The following AFF3 variants were observed in gnomAD, a reference collection of about 807,000 sequenced individuals.
The protein encoded by AFF3 is AF4/FMR2 family member 3.
In AFF3, 32 loss-of-function variants were observed where a neutral mutation model predicts 129.7. That is an observed-to-expected ratio of 0.25 (90% CI 0.19 to 0.33). The LOEUF (loss-of-function observed/expected upper bound fraction) is 0.33, where lower values mean the gene tolerates loss of function less well. AFF3 is among the 10% of genes least tolerant of loss of function. The pLI is 1.00. For missense variants in AFF3, 1,373 were observed against 1,592.0 expected (o/e 0.86, Z 2.34); for synonymous variants, 644 against 635.4 (o/e 1.01, Z -0.20).
At chr2:99,683,224 A>T (rs1223388152) in intron 11 of AFF3, among the ~76,000 whole-genome samples, 1 of 152,194 alleles carries the variant, frequency 6.6e-6, no homozygotes, top group African/African-American at 2.4e-5. Context: ...TTGTGTCCTT[A>T]TGCAAAGAAC....
intron 14 of AFF3, among the ~76,000 whole-genome samples, chr2:99,597,453 AG>A (rs1679402091): frequency 6.6e-6 from 1 of 152,252 alleles, no homozygotes; most frequent in Admixed American, 6.5e-5. Flanking sequence ...GGCAAGGGCC[AG>A]GTCTCTGTTT....
chr2:100,064,661 T>C (rs1687576401), intron 4 of AFF3, among the ~76,000 whole-genome samples: 1 of 152,190 alleles, frequency 6.6e-6, no homozygotes, highest in Admixed American at 6.5e-5. Context: ...TCTCTCACCA[T>C]TTGCTTTCCC....
chr2:99,971,303 A>G (rs1678353896), intron 7 of AFF3, among the ~76,000 whole-genome samples: 2 of 151,868 alleles, frequency 1.3e-5, no homozygotes. Flanking sequence ...CACATTTCCA[A>G]TTTTCCCTCT....
At chr2:100,136,333 G>T (rs1262617774) in intron 1 of AFF3, among the ~76,000 whole-genome samples, 1 of 152,160 alleles carries the variant, frequency 6.6e-6, no homozygotes, top group Non-Finnish European at 1.5e-5. Context: ...AGGTGGAGAA[G>T]GCACCCAAAA....
At chr2:100,094,438 T>C (rs540052210) in intron 4 of AFF3, among the ~76,000 whole-genome samples, 10 of 152,270 alleles carry the variant, frequency 6.6e-5, no homozygotes, top group East Asian at 3.9e-4. Flanking sequence ...ATAGGGTTCA[T>C]GCTTCTGTGA....
intron 4 of AFF3, among the ~76,000 whole-genome samples, chr2:100,099,460 T>C (rs1056561943): frequency 1.3e-5 from 2 of 152,144 alleles, no homozygotes; most frequent in African/African-American, 4.8e-5. Context: ...CATCCCTCCC[T>C]GCCTGTGTTA....
chr2:99,846,437 T>C (rs1290374493), intron 7 of AFF3, among the ~76,000 whole-genome samples: 3 of 152,252 alleles, frequency 2.0e-5, no homozygotes, highest in Admixed American at 1.3e-4. Context: ...GCCGAACATT[T>C]TCCTGAATCT....
At chr2:99,719,575 T>C (rs1364738854) in intron 11 of AFF3, among the ~76,000 whole-genome samples, 1 of 152,180 alleles carries the variant, frequency 6.6e-6, no homozygotes, top group Non-Finnish European at 1.5e-5. Context: ...TATCTTAAAG[T>C]TTTCATAGAA....
intron 12 of AFF3, among the ~76,000 whole-genome samples, chr2:99,667,128 T>C (rs945685893): frequency 3.9e-5 from 6 of 152,126 alleles, no homozygotes; most frequent in Non-Finnish European, 8.8e-5. Context: ...ATACAAACCA[T>C]ATCTTGGGTC....
chr2:99,618,976 GC>G (rs1242488384), intron 13 of AFF3, among the ~76,000 whole-genome samples: 1 of 152,046 alleles, frequency 6.6e-6, no homozygotes, highest in African/African-American at 2.4e-5. Context: ...AGAACTCCTG[GC>G]CTCAAACAGT....
chr2:99,630,927 A>G lies in AFF3; in HGVS notation c.1184+18699T>C, dbSNP rs1683063959. 6 of 383,540 alleles carry G rather than the reference A, an allele frequency of 1.6e-5. No individual in the cohort carries two copies. In the Admixed American group the frequency reaches 2.0e-4, roughly 13 times the overall value. 23.8% of individuals were successfully genotyped at this position (383,540 alleles called of 1,614,324 possible). A position where few individuals can be genotyped will look rare whatever the true frequency, so the allele number is the denominator to read the frequency against. ...TGTTCTGGGCTCACCTTGTAGAAGA[A>G]GTGACGTAGCAGAGAACACAGGGTT... On this transcript the variant is annotated intron_variant, in intron 13 of 24. Transcript: ENST00000672756.
chr2:100,009,631 G>A (rs1682327477), intron 4 of AFF3, among the ~76,000 whole-genome samples: 2 of 152,166 alleles, frequency 1.3e-5, no homozygotes, highest in Non-Finnish European at 2.9e-5. Flanking sequence ...TTTTGTTGAA[G>A]AAAATTAATA....
At chr2:100,101,280 ACT>A (rs1451281565) in intron 4 of AFF3, among the ~76,000 whole-genome samples, 2 of 152,092 alleles carry the variant, frequency 1.3e-5, no homozygotes, top group East Asian at 3.9e-4. Flanking sequence ...CTATAAGGAC[ACT>A]CTCTGTGACT....
chr2:99,688,492 T>C (rs748206250), intron 11 of AFF3, among the ~76,000 whole-genome samples: 6 of 152,256 alleles, frequency 3.9e-5, no homozygotes, highest in East Asian at 1.9e-4. Context: ...GGGCATTCAA[T>C]TGCCAAATCA....
intron 7 of AFF3, among the ~76,000 whole-genome samples, chr2:99,859,677 A>G (rs1690826119): frequency 6.6e-6 from 1 of 152,192 alleles, no homozygotes; most frequent in African/African-American, 2.4e-5. Flanking sequence ...CATCACATGA[A>G]AGGTCAATTT....
intron 7 of AFF3, among the ~76,000 whole-genome samples, chr2:99,878,439 T>G (rs757132380): frequency 2.0e-5 from 3 of 152,174 alleles, no homozygotes; most frequent in Non-Finnish European, 4.4e-5. Context: ...TCATGATGGA[T>G]TTTTAAACAC....
At chr2:99,784,834 C>T (rs1231738827) in intron 8 of AFF3, among the ~76,000 whole-genome samples, 1 of 152,176 alleles carries the variant, frequency 6.6e-6, no homozygotes, top group African/African-American at 2.4e-5. Flanking sequence ...TCTCTATAGG[C>T]TGATCTTGAG....
chr2:99,926,865 C>A (rs1451222625), intron 7 of AFF3, among the ~76,000 whole-genome samples: 8 of 151,880 alleles, frequency 5.3e-5, no homozygotes, highest in East Asian at 1.9e-4. Context: ...AAAAAAAAAA[C>A]ATAATTTTTT....
chr2:99,671,554 C>G (rs1687144983), intron 12 of AFF3, among the ~76,000 whole-genome samples: 1 of 147,184 alleles, frequency 6.8e-6, no homozygotes, highest in Admixed American at 6.7e-5. Context: ...TCTGCTTGTT[C>G]TCTCTGTAAG....
Sources: allele counts gnomAD v4.1 joint callset (sites outside exome capture counted in the v4.1 genomes callset), GRCh38; gene constraint gnomAD v4.1.1; transcripts MANE v1.5; gene names NCBI Gene and HGNC (gene_info 2026-07-23, HGNC 2026-07-21).